Variants in AFF3 observed in about 807,000 individuals in gnomAD.
The protein encoded by AFF3 is ALF transcription elongation factor 3, also known as AF4/FMR2 family member 3.
In AFF3, 32 loss-of-function variants were observed where a neutral mutation model predicts 129.7. The observed-to-expected ratio is 0.25, with a 90% CI of 0.19 to 0.33. The LOEUF is 0.33. Among genes scored for constraint, AFF3 ranks in the 10% least tolerant of loss-of-function variants. The pLI is 1.00. For synonymous variants in AFF3, 644 were observed against 635.4 expected, an observed-to-expected ratio of 1.01 and a Z score of -0.20; for missense variants, 1,373 against 1,592.0, an observed-to-expected ratio of 0.86 and a Z score of 2.34.
At chr2:100,016,849 TG>T (rs1348889173) in intron 4 of AFF3, among the ~76,000 whole-genome samples, 1 of 151,426 alleles carries the variant, frequency 6.6e-6, no homozygotes, top group Non-Finnish European at 1.5e-5. Flanking sequence ...ATGGTGGTGG[TG>T]ATGAAGGTGG....
intron 4 of AFF3, among the ~76,000 whole-genome samples, chr2:100,103,511 T>TG (rs910586446): frequency 5.0e-5 from 5 of 99,226 alleles, no homozygotes; most frequent in African/African-American, 1.6e-4. Context: ...TAAGAGATAG[T>TG]GGGGGGTTGG....
Position 99,689,655 on chromosome 2 carries a change from GCA to G in AFF3, c.1092-17068_1092-17067del, listed in dbSNP as rs1491142441. On this transcript the variant is annotated intron_variant, in intron 11 of 24. Coordinates refer to ENST00000672756, the MANE Select transcript of AFF3 (RefSeq NM_001386135.1). ...TGGAGACACAGGTATTTATTTAATT[GCA>G]AAAAAAAAAAAAAAAAAAAAAAAAA... 1.4e-3 allele frequency among the ~76,000 whole-genome samples: 32 copies of G among 22,196 alleles called. 1 individual carries two copies. The highest frequency in any genetic ancestry group is 5.0e-3 in the South Asian group (2 of 398). The allele number at this position is 22,196 out of a possible 152,430, so 14.6% of individuals were successfully genotyped here.
chr2:99,608,024 CTG>C (rs1373549380), intron 13 of AFF3, among the ~76,000 whole-genome samples: 1 of 151,966 alleles, frequency 6.6e-6, no homozygotes, highest in African/African-American at 2.4e-5. Context: ...ATTGTTTGTT[CTG>C]CAACACTTCC....
chr2:100,002,256 C>A (rs193224202), intron 7 of AFF3, among the ~76,000 whole-genome samples: 2 of 152,288 alleles, frequency 1.3e-5, no homozygotes, highest in East Asian at 1.9e-4. Context: ...AGGCTGGTGC[C>A]GACTTTCATT....
At chr2:99,588,316 G>A (rs1195502530) in intron 15 of AFF3, among the ~76,000 whole-genome samples, 1 of 151,984 alleles carries the variant, frequency 6.6e-6, no homozygotes, top group Non-Finnish European at 1.5e-5. Flanking sequence ...AGCTGGGAAT[G>A]CAAGTGTGTG....
chr2:100,016,839 ATGG>A (rs980080546), intron 4 of AFF3, among the ~76,000 whole-genome samples: 2 of 144,136 alleles, frequency 1.4e-5, no homozygotes, highest in African/African-American at 2.6e-5. Context: ...GATGGTGGTA[ATGG>A]TGGTGGTGAT....
chr2:99,557,006 A>G (rs1308333513), intron 22 of AFF3, among the ~76,000 whole-genome samples: 1 of 152,188 alleles, frequency 6.6e-6, no homozygotes, highest in Non-Finnish European at 1.5e-5. Flanking sequence ...GGTGACTACA[A>G]TTAATAATGA....
chr2:99,836,960 C>A (rs189091020), intron 8 of AFF3, among the ~76,000 whole-genome samples: 47 of 152,250 alleles, frequency 3.1e-4, no homozygotes, highest in African/African-American at 1.1e-3. Flanking sequence ...AGGGAACCCA[C>A]ACTAGACACA....
At chr2:99,668,421 C>T (rs1017447019) in intron 12 of AFF3, among the ~76,000 whole-genome samples, 1 of 152,044 alleles carries the variant, frequency 6.6e-6, no homozygotes, top group South Asian at 2.1e-4. Flanking sequence ...CTGCTCTCCT[C>T]AGCCTCCCAA....
chr2:99,588,127 C>A (rs1485425131), intron 15 of AFF3, among the ~76,000 whole-genome samples: 1 of 151,934 alleles, frequency 6.6e-6, no homozygotes, highest in Non-Finnish European at 1.5e-5. Flanking sequence ...CATAAAGTAC[C>A]TTTTTCTAAA....
At chr2:100,118,814 C>CTT (rs5832899) in intron 2 of AFF3, among the ~76,000 whole-genome samples, 82 of 143,762 alleles carry the variant, frequency 5.7e-4, no homozygotes, top group African/African-American at 1.1e-3. Flanking sequence ...AAAATTCTGA[C>CTT]TTTTTTTTTT....
chr2:99,980,229 G>T (rs559440164), intron 7 of AFF3, among the ~76,000 whole-genome samples: 2 of 152,158 alleles, frequency 1.3e-5, no homozygotes, highest in Admixed American at 1.3e-4. Flanking sequence ...GCTGTTCCTC[G>T]ATCTCTTTTC....
intron 8 of AFF3, among the ~76,000 whole-genome samples, chr2:99,829,020 T>C (rs1339815459): frequency 2.0e-5 from 3 of 152,220 alleles, no homozygotes; most frequent in Admixed American, 1.3e-4. Context: ...TGAAATGCTA[T>C]ATAATAAAAC....
chr2:99,828,903 C>G (rs149457270), intron 8 of AFF3, among the ~76,000 whole-genome samples: 86 of 152,230 alleles, frequency 5.6e-4, no homozygotes, highest in African/African-American at 2.0e-3. Flanking sequence ...ATCTTATTTG[C>G]CTTCATATTT....
chr2:99,939,195 T>C (rs1472830195), intron 7 of AFF3, among the ~76,000 whole-genome samples: 1 of 152,234 alleles, frequency 6.6e-6, no homozygotes, highest in Admixed American at 6.5e-5. Context: ...TTCTGCTTGA[T>C]CAACTTTTTC....
intron 13 of AFF3, among the ~76,000 whole-genome samples, chr2:99,613,448 T>C (rs1355002467): frequency 6.6e-6 from 1 of 152,190 alleles, no homozygotes; most frequent in African/African-American, 2.4e-5. Context: ...CTTTTGTCAA[T>C]TTTTGAATTT....
rs1684544701 is a variant in AFF3, at chr2:99,644,810, A to G, written c.1184+4816T>C. On this transcript the variant is annotated intron_variant, in intron 13 of 24. Transcript: ENST00000672756. ...CCTTCTTCCTAACGGCACTTTGCAT[A>G]TTTTCCACATTGGCGGTGATGTGGC... 4.6e-5 allele frequency among the ~76,000 whole-genome samples: 7 copies of G among 152,270 alleles called. No individual in the cohort carries two copies. In the South Asian group the frequency reaches 1.5e-3, roughly 32 times the overall value.
At chr2:99,722,470 T>A (rs1327785327) in intron 11 of AFF3, among the ~76,000 whole-genome samples, 1 of 152,180 alleles carries the variant, frequency 6.6e-6, no homozygotes, top group East Asian at 1.9e-4. Flanking sequence ...AAGGATCTGT[T>A]TCGGTTTTGC....
intron 8 of AFF3, among the ~76,000 whole-genome samples, chr2:99,810,520 C>T (rs1350432386): frequency 6.6e-6 from 1 of 152,240 alleles, no homozygotes; most frequent in South Asian, 2.1e-4. Context: ...ACGTGCCACC[C>T]GCAGAAGCAT....
Sources: gnomAD v4.1 joint callset for allele counts (sites outside exome capture counted in the v4.1 genomes callset) on GRCh38, gnomAD v4.1.1 for gene constraint, MANE v1.5 for transcripts, NCBI Gene and HGNC (gene_info 2026-07-23, HGNC 2026-07-21) for gene names.